Variants in GOLIM4 observed in about 807,000 individuals in gnomAD.
The protein encoded by GOLIM4 is 130 kDa golgi-localized phosphoprotein.
GOLIM4 carries 71 observed loss-of-function variants against 107.4 expected under a neutral mutation model. That is an observed-to-expected ratio of 0.66 (90% CI 0.55 to 0.81). The LOEUF is 0.81. GOLIM4 is among the 30% of genes least tolerant of loss of function. The pLI is 0.00. For synonymous variants in GOLIM4, 327 were observed against 294.8 expected, an observed-to-expected ratio of 1.11 and a Z score of -1.12; for missense variants, 830 against 826.1, an observed-to-expected ratio of 1.00 and a Z score of -0.06.
At chr3:168,055,500 T>C (rs1719896485) in intron 1 of GOLIM4, among the ~76,000 whole-genome samples, 1 of 152,080 alleles carries the variant, frequency 6.6e-6, no homozygotes, top group Admixed American at 6.6e-5. Flanking sequence ...CAGCAAAGCA[T>C]TCAAGAGGTG....
At chr3:168,012,693 G>A (rs1021530882) in intron 14 of GOLIM4, among the ~76,000 whole-genome samples, 9 of 151,906 alleles carry the variant, frequency 5.9e-5, no homozygotes, top group Middle Eastern at 3.4e-3. Context: ...CGGATCTCTC[G>A]GCAGAAACTC....
At chr3:168,048,858 A>G (rs1267668704) in intron 1 of GOLIM4, among the ~76,000 whole-genome samples, 1 of 152,226 alleles carries the variant, frequency 6.6e-6, no homozygotes. Context: ...GCCTGGATCC[A>G]TAAGGAGACC....
In GOLIM4 at chr3:168,009,240, A is replaced by G. The variant is rs1240347044; in HGVS notation, c.*1029T>C. On this transcript the variant is annotated 3_prime_UTR_variant, in exon 16 of 16. Coordinates refer to ENST00000470487, the MANE Select transcript of GOLIM4 (RefSeq NM_014498.5). ...AATCCCAGCAAACAGAAAAACCATA[A>G]GTCTATCATATCACCATATGTTTCA... 1 of 151,992 alleles carries G rather than the reference A, an allele frequency of 6.6e-6. No homozygotes were observed. Among genetic ancestry groups the G allele is most frequent in the Non-Finnish European group, 1.5e-5 (1 of 67,968 alleles). The allele number at this position is 151,992 out of a possible 1,614,324, so 9.4% of individuals were successfully genotyped here.
In GOLIM4 at chr3:168,064,570, T is replaced by C. The variant is rs186991659; in HGVS notation, c.188-16205A>G. On this transcript the variant is annotated intron_variant, in intron 1 of 15. Transcript: ENST00000470487. ...AAGTTTTTACATGAAAATCAGAGAA[T>C]ACATCTGTACTGTTTAACAAAATAC... Among the ~76,000 whole-genome samples the C allele has an allele frequency of 2.6e-5, 4 of 152,006 alleles. No individual in the cohort carries two copies. In the East Asian group the frequency reaches 7.7e-4, roughly 29 times the overall value.
Position 168,032,822 on chromosome 3 carries a change from G to A in GOLIM4, c.874C>T (p.His292Tyr). 1.2e-6 allele frequency: 2 copies of A among 1,613,344 alleles called. No individual in the cohort carries two copies. Among genetic ancestry groups the A allele is most frequent in the Non-Finnish European group, 1.7e-6 (2 of 1,179,496 alleles). The stretch of plus-strand genomic sequence containing the variant: ...TCTGCTCTTCCAGGAACTGCTTCAT[G>A]GTTCTGCCACACATCATTATTTCGA... ...VSRNNDVWQN[H>Y]EAVPGRAEDT... The change falls in exon 9 of 16, where the codon CAT (histidine) becomes TAT (tyrosine). Residue 292 changes from histidine to tyrosine, a missense_variant. His to Tyr is a moderately conservative substitution (Grantham distance 83). Transcript: ENST00000470487.
intron 1 of GOLIM4, among the ~76,000 whole-genome samples, chr3:168,083,969 A>C (rs1413515916): frequency 6.6e-6 from 1 of 152,172 alleles, no homozygotes; most frequent in Non-Finnish European, 1.5e-5. Flanking sequence ...CTTCACTTTT[A>C]TCTTCAGTGC....
intron 1 of GOLIM4, among the ~76,000 whole-genome samples, chr3:168,082,093 A>G (rs953224447): frequency 6.6e-6 from 1 of 152,118 alleles, no homozygotes; most frequent in Non-Finnish European, 1.5e-5. Flanking sequence ...GTGGTTCTTA[A>G]CCTTTTTCAG....
At chr3:168,037,848 C>T (rs1277204073) in intron 7 of GOLIM4, among the ~76,000 whole-genome samples, 1 of 152,216 alleles carries the variant, frequency 6.6e-6, no homozygotes, top group Admixed American at 6.5e-5. Context: ...ATTCTATACA[C>T]CAACACTGTT....
intron 9 of GOLIM4, among the ~76,000 whole-genome samples, chr3:168,031,914 T>A (rs1056372806): frequency 6.6e-6 from 1 of 152,188 alleles, no homozygotes; most frequent in African/African-American, 2.4e-5. Flanking sequence ...TTTTAAAGCA[T>A]CATTTATAAT....
At chr3:168,065,423 T>C (rs1042146502) in intron 1 of GOLIM4, among the ~76,000 whole-genome samples, 26 of 152,228 alleles carry the variant, frequency 1.7e-4, no homozygotes, top group African/African-American at 6.0e-4. Context: ...TTTCAATAAC[T>C]TGAAAAATAT....
chr3:168,082,128 T>A (rs1399275456), intron 1 of GOLIM4, among the ~76,000 whole-genome samples: 1 of 152,148 alleles, frequency 6.6e-6, no homozygotes, highest in African/African-American at 2.4e-5. Flanking sequence ...GAGGAACTGA[T>A]TAACGCTATG....
intron 6 of GOLIM4, 141 bp from the exon 7 acceptor site, chr3:168,041,010 C>T (rs371949587): frequency 1.7e-4 from 105 of 609,130 alleles, no homozygotes; most frequent in African/African-American, 1.5e-3. Context: ...TAAAAATCAT[C>T]GTAGAGAGAA....
intron 14 of GOLIM4, among the ~76,000 whole-genome samples, chr3:168,011,996 C>T (rs1466833960): frequency 9.5e-5 from 14 of 147,326 alleles, no homozygotes; most frequent in African/African-American, 3.8e-4. Context: ...TCTCCTCCTC[C>T]AAAGGAACAC....
At position 168,024,388 on chromosome 3, in the gene GOLIM4, C is replaced by A; in HGVS notation, c.1860+138G>T. Reference sequence around the variant, plus strand: ...GCCATGATCCATTTTTGCTTTAAACCACCCTTTCTTATCCTGCTTAAATTT... The same window carrying A: ...GCCATGATCCATTTTTGCTTTAAACAACCCTTTCTTATCCTGCTTAAATTT... On this transcript the variant is annotated intron_variant, in intron 14 of 15. Coordinates refer to ENST00000470487, the MANE Select transcript of GOLIM4 (RefSeq NM_014498.5). 3 of 691,090 alleles carry A rather than the reference C, an allele frequency of 4.3e-6. No homozygotes were observed. In the South Asian group the frequency reaches 5.4e-5, roughly 12 times the overall value. 42.8% of individuals were successfully genotyped at this position (691,090 alleles called of 1,614,324 possible).
rs1722145336 is a variant in GOLIM4 at position 168,095,485 on chromosome 3, C to T, written c.-200G>A. 1.9e-6 allele frequency: 1 copy of T among 530,798 alleles called. No individual in the cohort carries two copies. The allele number at this position is 530,798 out of a possible 1,614,324, so 32.9% of individuals were successfully genotyped here. A position where few individuals can be genotyped will look rare whatever the true frequency, so the allele number is the denominator to read the frequency against. On this transcript the variant is annotated 5_prime_UTR_variant, in exon 1 of 16. Transcript: ENST00000470487. ...CGGGGCGCGCAGCCATCGACGCCGC[C>T]CGGGCAGCTGCAGCCAAACTTCTGC... is the stretch of plus-strand genomic sequence containing the variant.
intron 4 of GOLIM4, 44 bp downstream of exon 4, chr3:168,044,784 T>C: frequency 9.0e-7 from 1 of 1,107,196 alleles, no homozygotes; most frequent in Non-Finnish European, 1.3e-6. Flanking sequence ...AAGTATTAGT[T>C]AATCCTTTCT....
At chr3:168,018,534 A>G (rs1195087598) in intron 14 of GOLIM4, among the ~76,000 whole-genome samples, 1 of 152,202 alleles carries the variant, frequency 6.6e-6, no homozygotes, top group Admixed American at 6.5e-5. Context: ...TATTGTATTC[A>G]TATTTCCTGG....
Position 168,029,907 on chromosome 3 carries a change from G to C in GOLIM4, c.1306C>G (p.Gln436Glu), listed in dbSNP as rs779000190. 2.1e-5 allele frequency: 34 copies of C among 1,614,020 alleles called. No homozygotes were observed. The highest frequency in any genetic ancestry group is 2.8e-5 in the Non-Finnish European group (33 of 1,180,032). The change falls in exon 10 of 16, where the codon CAG (glutamine) becomes GAG (glutamate). Residue 436 changes from glutamine (Q) to glutamate (E), a missense_variant. Physicochemically the swap from Gln to Glu is conservative, Grantham distance 29. Transcript: ENST00000470487. ...AGTAAGTGCCCCTGCAGCCTCTGCT[G>C]GTGCAAAGCTTCCTGGTGTTCCCGC... ...QLREHQEALH[Q>E]QRLQGHLLRQ...
At chr3:168,022,691 C>T (rs1425675408) in intron 14 of GOLIM4, among the ~76,000 whole-genome samples, 2 of 152,152 alleles carry the variant, frequency 1.3e-5, no homozygotes, top group Non-Finnish European at 2.9e-5. Flanking sequence ...AAAGTTTACA[C>T]TGGGAAGAAA....
Sources: allele counts gnomAD v4.1 joint callset (sites outside exome capture counted in the v4.1 genomes callset), GRCh38; gene constraint gnomAD v4.1.1; transcripts MANE v1.5; gene names NCBI Gene and HGNC (gene_info 2026-07-23, HGNC 2026-07-21).